The following SIPA1L1 variants were observed in gnomAD, a reference collection of about 807,000 sequenced individuals.
SIPA1L1 encodes the protein signal-induced proliferation-associated 1-like protein 1.
Under a neutral mutation model 162.7 loss-of-function variants are expected in SIPA1L1, and 26 were observed. The observed-to-expected ratio is 0.16, with a 90% confidence interval of 0.12 to 0.22. SIPA1L1 has a LOEUF of 0.22. Among genes scored for constraint, SIPA1L1 ranks in the 10% least tolerant of loss-of-function variants. The probability of loss-of-function intolerance (pLI) is 1.00; values close to 1 mark genes in which losing one functional copy is unlikely to be tolerated. For missense variants in SIPA1L1, 1,874 were observed against 2,241.0 expected (o/e 0.84, Z 3.31); for synonymous variants, 829 against 837.4 (o/e 0.99, Z 0.17).
intron 4 of SIPA1L1, chr14:71,573,783 G>C: frequency 4.4e-6 from 2 of 449,484 alleles, no homozygotes; most frequent in Non-Finnish European, 9.0e-6. Context: ...CTTTGTCACT[G>C]TTAACAGTGG....
Position 71,455,987 on chromosome 14 carries a change from A to G in SIPA1L1, c.-464-56756A>G, listed in dbSNP as rs559697147. 6.6e-5 allele frequency among the ~76,000 whole-genome samples: 10 copies of G among 152,282 alleles called. No individual in the cohort carries two copies. The South Asian group carries it at 1.4e-3, about 22-fold the overall frequency. ...AACTCTTTCATTTACTATTGTGTTTATGGTATTTAGAAATTGTGTGCGATT... is the reference window on the plus strand; with the variant it reads ...AACTCTTTCATTTACTATTGTGTTTGTGGTATTTAGAAATTGTGTGCGATT... On this transcript the variant is annotated intron_variant, in intron 2 of 23. Coordinates refer to ENST00000381232, the MANE Select transcript of SIPA1L1 (RefSeq NM_001386936.1).
At chr14:71,613,663 C>G (rs193167445) in intron 5 of SIPA1L1, among the ~76,000 whole-genome samples, 1 of 152,296 alleles carries the variant, frequency 6.6e-6, no homozygotes, top group East Asian at 1.9e-4. Context: ...ATCTGTAACT[C>G]CCTCATCCTT....
chr14:71,337,179 A>T (rs188129630), intron 2 of SIPA1L1, among the ~76,000 whole-genome samples: 1 of 152,140 alleles, frequency 6.6e-6, no homozygotes, highest in East Asian at 1.9e-4. Context: ...TTTGGCCTCT[A>T]CCAGACTATG....
chr14:71,735,265 T>C lies in SIPA1L1; in HGVS notation c.5009-12T>C. On this transcript the variant is annotated splice_polypyrimidine_tract_variant and intron_variant, in intron 21 of 23. Transcript: ENST00000381232. ...TTCCAAAATACTAAATGGTTTCTTC[T>C]CTCCTTTCCAGTCCAGAGAGCCTCA... The C allele has an allele frequency of 6.3e-7, 1 of 1,589,894 alleles. No individual in the cohort carries two copies. The highest frequency in any genetic ancestry group is 8.6e-7 in the Non-Finnish European group (1 of 1,158,044).
intron 4 of SIPA1L1, among the ~76,000 whole-genome samples, chr14:71,549,614 C>T (rs140643948): frequency 2.6e-5 from 4 of 152,128 alleles, no homozygotes; most frequent in Non-Finnish European, 5.9e-5. Context: ...ACACATTGTA[C>T]GAATCCCAGA....
At chr14:71,333,926 A>G (rs1357387182) in intron 2 of SIPA1L1, among the ~76,000 whole-genome samples, 1 of 152,182 alleles carries the variant, frequency 6.6e-6, no homozygotes, top group Non-Finnish European at 1.5e-5. Context: ...TATATCTCAA[A>G]TGGGGCTAAA....
At chr14:71,330,888 A>G in intron 2 of SIPA1L1, 1 of 556,250 alleles carries the variant, frequency 1.8e-6, no homozygotes, top group East Asian at 3.0e-5. Flanking sequence ...TGCTCTGCTG[A>G]TTGTATCCTT....
rs1026001731 is a variant in SIPA1L1, at chr14:71,321,843, C to G, written c.-465+662C>G. 2.6e-5 allele frequency: 4 copies of G among 152,250 alleles called. No individual in the cohort carries two copies. In the East Asian group the frequency reaches 5.8e-4, roughly 22 times the overall value. 9.4% of individuals were successfully genotyped at this position (152,250 alleles called of 1,614,324 possible). A position where few individuals can be genotyped will look rare whatever the true frequency, so the allele number is the denominator to read the frequency against. On this transcript the variant is annotated intron_variant, in intron 2 of 23. Coordinates refer to ENST00000381232, the MANE Select transcript of SIPA1L1 (RefSeq NM_001386936.1). The stretch of plus-strand genomic sequence containing the variant: ...CGGCATTTCTAGGTGGACCAGTAAT[C>G]GTGTTGGGCAGGTTGAAATTTCATC...
chr14:71,611,884 A>G (rs1400754918), intron 5 of SIPA1L1, among the ~76,000 whole-genome samples: 4 of 152,240 alleles, frequency 2.6e-5, no homozygotes, highest in Non-Finnish European at 5.9e-5. Context: ...GTGTATGTCT[A>G]ATGAAAATAT....
At chr14:71,498,642 G>A (rs2049970734) in intron 2 of SIPA1L1, among the ~76,000 whole-genome samples, 1 of 152,330 alleles carries the variant, frequency 6.6e-6, no homozygotes, top group South Asian at 2.1e-4. Flanking sequence ...ATTCCATGCA[G>A]TACATATTCT....
chr14:71,678,173 C>T (rs1362416020), intron 12 of SIPA1L1, among the ~76,000 whole-genome samples: 1 of 152,160 alleles, frequency 6.6e-6, no homozygotes, highest in African/African-American at 2.4e-5. Flanking sequence ...ACTTCCAACG[C>T]TATGTTGAAT....
intron 20 of SIPA1L1, 118 bp downstream of exon 20, chr14:71,730,419 A>G: frequency 8.6e-7 from 1 of 1,165,592 alleles, no homozygotes; most frequent in Admixed American, 2.0e-5. Flanking sequence ...AGATGGTCTC[A>G]GCTCACCCGC....
intron 8 of SIPA1L1, among the ~76,000 whole-genome samples, chr14:71,653,617 T>A (rs1187178070): frequency 6.6e-6 from 1 of 152,136 alleles, no homozygotes; most frequent in East Asian, 1.9e-4. Context: ...TTCTTTTTTC[T>A]CAAGGATCAC....
chr14:71,625,243 A>T (rs1244439624), intron 7 of SIPA1L1, among the ~76,000 whole-genome samples: 4 of 152,096 alleles, frequency 2.6e-5, no homozygotes, highest in Admixed American at 2.6e-4. Flanking sequence ...TTATTGTTTT[A>T]ATTCAGCCAC....
chr14:71,647,586 C>T (rs1205983369), intron 7 of SIPA1L1, among the ~76,000 whole-genome samples: 1 of 152,100 alleles, frequency 6.6e-6, no homozygotes, highest in Non-Finnish European at 1.5e-5. Flanking sequence ...AGCCAGACAG[C>T]ATGTAACTTA....
chr14:71,514,060 C>T (rs567800508), intron 3 of SIPA1L1, among the ~76,000 whole-genome samples: 21 of 152,076 alleles, frequency 1.4e-4, no homozygotes, highest in African/African-American at 5.1e-4. Flanking sequence ...AAGAAGAGAC[C>T]GAGGCAAGTT....
chr14:71,697,106 G>A lies in SIPA1L1; in HGVS notation c.3375-1875G>A, dbSNP rs565932878. On this transcript the variant is annotated intron_variant, in intron 13 of 23. Coordinates refer to ENST00000381232, the MANE Select transcript of SIPA1L1 (RefSeq NM_001386936.1). ...TCCTCTATCCTGTAGGCAAAGGGAAGCTTTGAATAGGCTTTTAGCAGTCTG... is the reference window on the plus strand; with the variant it reads ...TCCTCTATCCTGTAGGCAAAGGGAAACTTTGAATAGGCTTTTAGCAGTCTG... Among the ~76,000 whole-genome samples, 49 of 152,250 alleles carry A rather than the reference G, an allele frequency of 3.2e-4. No individual in the cohort carries two copies. The East Asian group carries it at 6.2e-3, about 19-fold the overall frequency.
chr14:71,519,889 A>G (rs190456017), intron 3 of SIPA1L1, among the ~76,000 whole-genome samples: 132 of 152,296 alleles, frequency 8.7e-4, no homozygotes, highest in Non-Finnish European at 1.7e-3. Context: ...ATAGTAAACA[A>G]TAATAGTAAT....
At chr14:71,719,845 A>C (rs2083560752) in intron 17 of SIPA1L1, among the ~76,000 whole-genome samples, 1 of 152,148 alleles carries the variant, frequency 6.6e-6, no homozygotes. Context: ...AAAAGTTGCA[A>C]AGATAGAGTT....
Sources: gnomAD v4.1 joint callset for allele counts (sites outside exome capture counted in the v4.1 genomes callset) on GRCh38, gnomAD v4.1.1 for gene constraint, MANE v1.5 for transcripts, NCBI Gene and HGNC (gene_info 2026-07-23, HGNC 2026-07-21) for gene names.